The following MROH2A variants were observed in gnomAD, a reference collection of about 807,000 sequenced individuals.
MROH2A encodes maestro heat-like repeat-containing protein family member 2A.
A neutral mutation model predicts 200.4 loss-of-function variants in MROH2A; 174 were observed. The observed-to-expected ratio is 0.87, with a 90% CI of 0.77 to 0.98. MROH2A has a LOEUF of 0.98. Among genes scored for constraint, MROH2A ranks in the 50% least tolerant of loss-of-function variants. The probability of loss-of-function intolerance (pLI) is 0.00; values close to 1 mark genes in which losing one functional copy is unlikely to be tolerated. For synonymous variants in MROH2A, 829 were observed against 840.4 expected (o/e 0.99, Z 0.23); for missense variants, 2,045 against 2,139.6 (o/e 0.96, Z 0.87).
chr2:233,790,732 A>G (rs1457828394), intron 5 of MROH2A, among the ~76,000 whole-genome samples: 1 of 148,248 alleles, frequency 6.7e-6, no homozygotes, highest in Non-Finnish European at 1.5e-5. Context: ...CTTTCATCCC[A>G]GAAGCATGCG....
At position 233,795,525 on chromosome 2, in the gene MROH2A, G is replaced by T. The variant is rs1034939361; in HGVS notation, c.967-128G>T. 5 of 1,411,818 alleles carry T rather than the reference G, an allele frequency of 3.5e-6. No individual in the cohort carries two copies. The Admixed American group carries it at 1.0e-4, about 29-fold the overall frequency. 87.5% of individuals were successfully genotyped at this position (1,411,818 alleles called of 1,614,324 possible). A position where few individuals can be genotyped will look rare whatever the true frequency, so the allele number is the denominator to read the frequency against. On this transcript the variant is annotated intron_variant, in intron 8 of 41. Transcript: ENST00000389758. ...GGACTGGGGTAGGGCCTGAGAGTCT[G>T]CATTTCTAATCAGCTCCCAGGGAAT...
At chr2:233,795,527 AT>A (rs1422901048) in intron 8 of MROH2A, 125 bp from the exon 9 acceptor site, 2 of 1,433,814 alleles carry the variant, frequency 1.4e-6, no homozygotes, top group African/African-American at 2.8e-5. Context: ...GAGAGTCTGC[AT>A]TTCTAATCAG....
chr2:233,799,270 T>C (rs1024920678), intron 12 of MROH2A, among the ~76,000 whole-genome samples: 1 of 152,224 alleles, frequency 6.6e-6, no homozygotes, highest in African/African-American at 2.4e-5. Context: ...AGCTTGGTTC[T>C]GGCCATGGGC....
chr2:233,812,754 AT>A (rs778172188), intron 24 of MROH2A, among the ~76,000 whole-genome samples: 7 of 152,236 alleles, frequency 4.6e-5, no homozygotes, highest in Non-Finnish European at 7.3e-5. Flanking sequence ...CAGCAAAAAA[AT>A]ATCTGAGAAC....
Position 233,807,458 on chromosome 2 carries a change from C to A in MROH2A, c.2088C>A (p.Ala696=), listed in dbSNP as rs1464137456. The change falls in exon 20 of 42, where the codon GCC becomes GCA. Residue 696 remains alanine, a synonymous_variant. Transcript: ENST00000389758. The surrounding 1 kb of genome is among the most constrained non-coding windows in gnomAD (Gnocchi z 4.3). ...FLYRALGFTL[A]TGLEASKVEV... Reference sequence around the variant, plus strand: ...ACCGGGCCTTGGGCTTCACCTTGGCCACAGGCCTGGAGGCCAGCAAGGTGG... The same window carrying A: ...ACCGGGCCTTGGGCTTCACCTTGGCAACAGGCCTGGAGGCCAGCAAGGTGG... 6.4e-7 allele frequency: 1 copy of A among 1,550,598 alleles called. No individual in the cohort carries two copies. Among genetic ancestry groups the A allele is most frequent in the Admixed American group, 2.0e-5 (1 of 51,018 alleles).
intron 38 of MROH2A, 59 bp from the exon 39 acceptor site, chr2:233,831,350 C>A: frequency 1.3e-6 from 2 of 1,488,568 alleles, no homozygotes; most frequent in South Asian, 2.7e-5. Flanking sequence ...CCAGCCTCAC[C>A]CCTCTGGGGA....
chr2:233,829,495 A>G (rs1044968413), intron 37 of MROH2A, 125 bp from the exon 38 acceptor site: 2 of 945,126 alleles, frequency 2.1e-6, no homozygotes, highest in African/African-American at 3.4e-5. Context: ...GAGAGACTAC[A>G]CCCTGACGGA....
chr2:233,831,985 T>C (rs976212256), intron 39 of MROH2A, among the ~76,000 whole-genome samples, 192 bp from the exon 40 acceptor site: 8 of 152,186 alleles, frequency 5.3e-5, no homozygotes, highest in Admixed American at 4.6e-4. Flanking sequence ...GGTTCTCTGG[T>C]CAGATGGGAT....
intron 26 of MROH2A, among the ~76,000 whole-genome samples, chr2:233,815,016 T>C (rs552519680): frequency 1.4e-4 from 21 of 152,326 alleles, no homozygotes; most frequent in Non-Finnish European, 2.9e-4. Context: ...ATTCAGGACA[T>C]TTAATGTTGA....
intron 19 of MROH2A, among the ~76,000 whole-genome samples, chr2:233,806,364 CAAT>C (rs541618360): frequency 2.0e-5 from 3 of 152,036 alleles, no homozygotes; most frequent in South Asian, 4.2e-4. Flanking sequence ...TCTCCAAAAA[CAAT>C]AATATTTACC....
At chr2:233,792,756 C>G (rs1701865410) in intron 5 of MROH2A, 40 bp from the exon 6 acceptor site, 2 of 1,328,236 alleles carry the variant, frequency 1.5e-6, no homozygotes, top group Admixed American at 2.0e-5. Flanking sequence ...TGCTCACCCC[C>G]AGCCCCAACT....
chr2:233,804,116 C>A lies in MROH2A; in HGVS notation c.1815C>A (p.Thr605=), dbSNP rs1229247285. The change falls in exon 17 of 42, where the codon ACC becomes ACA. Residue 605 remains threonine (T), a synonymous_variant. Coordinates refer to ENST00000389758, the MANE Select transcript of MROH2A (RefSeq NM_001394639.1). ...RGIAMLNLLR[T]LSQSIAPSMA... is the part of the protein sequence containing the mutation. ...TAGCCATGCTCAACCTCTTGAGGAC[C>A]CTGAGCCAGAGCATCGCACCCTCCA... 14 of 1,550,370 alleles carry A rather than the reference C, an allele frequency of 9.0e-6. No individual in the cohort carries two copies. In the Admixed American group the frequency reaches 2.7e-4, roughly 30 times the overall value.
At position 233,780,787 on chromosome 2, in the gene MROH2A, T is replaced by C. The variant is rs148557291; in HGVS notation, c.276+935T>C. ...TTTGAAAATATACAATCAATCATTG[T>C]TGACTATATTCACAACCTACAGTGC... is the stretch of plus-strand genomic sequence containing the variant. On this transcript the variant is annotated intron_variant, in intron 3 of 41. Coordinates refer to ENST00000389758, the MANE Select transcript of MROH2A (RefSeq NM_001394639.1). Among the ~76,000 whole-genome samples, 482 of 152,342 alleles carry C rather than the reference T, an allele frequency of 3.2e-3. 3 individuals carry two copies. Among genetic ancestry groups the C allele is most frequent in the African/African-American group, 0.011 (457 of 41,588 alleles).
At chr2:233,802,406 C>T (rs1461322529) in intron 15 of MROH2A, 91 bp downstream of exon 15, 1 of 1,365,676 alleles carries the variant, frequency 7.3e-7, no homozygotes, top group African/African-American at 1.5e-5. Flanking sequence ...TTCCTCCCAC[C>T]CTCATTCCCC....
Position 233,809,122 on chromosome 2 carries a change from G to A in MROH2A, c.2296-4G>A, listed in dbSNP as rs532553839. On this transcript the variant is annotated splice_polypyrimidine_tract_variant and splice_region_variant and intron_variant, in intron 21 of 41. Transcript: ENST00000389758. ...AGTGGTTCTTTTTCTCTTTGGCCTC[G>A]TAGAAGGACCATCCCTGGAGGCGGG... is the stretch of plus-strand genomic sequence containing the variant. 3.6e-5 allele frequency: 56 copies of A among 1,546,178 alleles called. No individual in the cohort carries two copies. The highest frequency in any genetic ancestry group is 1.7e-4 in the Middle Eastern group (1 of 5,976).
At chr2:233,814,865 G>A (rs1559470862) in intron 26 of MROH2A, among the ~76,000 whole-genome samples, 188 bp downstream of exon 26, 2 of 152,204 alleles carry the variant, frequency 1.3e-5, no homozygotes, top group Non-Finnish European at 2.9e-5. Flanking sequence ...CAGATTCACA[G>A]TTCTTAATAC....
rs1227014828 is a variant in MROH2A at position 233,804,125 on chromosome 2, G to C, written c.1824G>C (p.Gln608His). Reference protein sequence around the residue: ...AMLNLLRTLSQSIAPSMADMW... With the variant: ...AMLNLLRTLSHSIAPSMADMW... ...TCAACCTCTTGAGGACCCTGAGCCA[G>C]AGCATCGCACCCTCCATGGCCGACA... Residue 608 changes from glutamine to histidine, a missense_variant, in exon 17 of 42, where the codon CAG becomes CAC. Physicochemically the swap from Gln to His is conservative, Grantham distance 24. Coordinates refer to ENST00000389758, the MANE Select transcript of MROH2A (RefSeq NM_001394639.1). 1 of 1,550,460 alleles carries C rather than the reference G, an allele frequency of 6.4e-7. No individual in the cohort carries two copies. The highest frequency in any genetic ancestry group is 1.4e-5 in the African/African-American group (1 of 73,028).
rs1701939614 is a variant in MROH2A, at chr2:233,793,812, C to T, written c.810C>T (p.His270=). The change falls in exon 7 of 42, where the codon CAC becomes CAT. Residue 270 remains histidine (H), a synonymous_variant. Transcript: ENST00000389758. ...ACTTCGTGACAGTGTGGCTGAGGCA[C>T]TACAACCCCGAGGTGAGATGCACCC... is the stretch of plus-strand genomic sequence containing the variant. ...YRYFVTVWLR[H]YNPEVKLGVI... 2.8e-6 allele frequency: 4 copies of T among 1,445,220 alleles called. No individual in the cohort carries two copies. Among genetic ancestry groups the T allele is most frequent in the African/African-American group, 2.9e-5 (2 of 68,910 alleles). 89.5% of individuals were successfully genotyped at this position (1,445,220 alleles called of 1,614,324 possible).
At chr2:233,808,328 C>T (rs552601501) in intron 21 of MROH2A, among the ~76,000 whole-genome samples, 24 of 152,200 alleles carry the variant, frequency 1.6e-4, no homozygotes, top group East Asian at 3.8e-4. Flanking sequence ...TGTCCATTGG[C>T]GTGCGGCTGG....
Sources: allele counts gnomAD v4.1 joint callset (sites outside exome capture counted in the v4.1 genomes callset), GRCh38; gene constraint gnomAD v4.1.1; non-coding constraint Gnocchi (gnomAD v3.1); transcripts MANE v1.5; gene names NCBI Gene and HGNC (gene_info 2026-07-23, HGNC 2026-07-21).